Variants in DISC1 observed in about 807,000 individuals in gnomAD.
DISC1 encodes the protein disrupted in schizophrenia 1 protein.
Under a neutral mutation model 84.5 loss-of-function variants are expected in DISC1, and 57 were observed. That is an observed-to-expected ratio of 0.67 (90% CI 0.55 to 0.84). The LOEUF is 0.84. Among genes scored for constraint, DISC1 ranks in the 40% least tolerant of loss-of-function variants. The pLI, the probability that DISC1 is intolerant of heterozygous loss-of-function variation, is 0.00. For synonymous variants in DISC1, 411 were observed against 415.2 expected, an observed-to-expected ratio of 0.99 and a Z score of 0.12; for missense variants, 1,000 against 1,057.8, an observed-to-expected ratio of 0.95 and a Z score of 0.76.
chr1:231,723,136 G>A, intron 3 of DISC1: 1 of 936,240 alleles, frequency 1.1e-6, no homozygotes, highest in East Asian at 1.0e-4. Flanking sequence ...GTTTTCAGTG[G>A]ATATGAAAAG....
At chr1:231,999,232 G>A (rs182540564) in intron 10 of DISC1, among the ~76,000 whole-genome samples, 2 of 152,262 alleles carry the variant, frequency 1.3e-5, no homozygotes, top group African/African-American at 4.8e-5. Flanking sequence ...TCTAAATCCT[G>A]AAAATAATGC....
chr1:231,874,506 T>G (rs2085715621), intron 9 of DISC1, among the ~76,000 whole-genome samples: 3 of 152,122 alleles, frequency 2.0e-5, no homozygotes, highest in African/African-American at 7.2e-5. Context: ...GCCAAAGACT[T>G]CCTAACTCAC....
chr1:231,653,674 C>A (rs919908660), intron 1 of DISC1, among the ~76,000 whole-genome samples: 28 of 152,288 alleles, frequency 1.8e-4, no homozygotes, highest in African/African-American at 6.0e-4. Flanking sequence ...CTTTTCCCCT[C>A]ACACACAGAA....
intron 8 of DISC1, among the ~76,000 whole-genome samples, chr1:231,816,155 G>C (rs1478855880): frequency 6.6e-6 from 1 of 152,198 alleles, no homozygotes; most frequent in Non-Finnish European, 1.5e-5. Flanking sequence ...GAGTGGGCTT[G>C]TAGTGGAATA....
intron 10 of DISC1, among the ~76,000 whole-genome samples, chr1:231,996,750 C>A (rs1355952455): frequency 6.6e-6 from 1 of 152,114 alleles, no homozygotes; most frequent in African/African-American, 2.4e-5. Flanking sequence ...AGATGATCTC[C>A]TAGACCCCAT....
chr1:231,975,560 A>T (rs1330070499), intron 10 of DISC1, among the ~76,000 whole-genome samples: 1 of 152,228 alleles, frequency 6.6e-6, no homozygotes, highest in Non-Finnish European at 1.5e-5. Context: ...AAAGATATGG[A>T]ATCAGTGGGT....
chr1:231,888,581 A>G (rs1397272765), intron 9 of DISC1, among the ~76,000 whole-genome samples: 1 of 151,510 alleles, frequency 6.6e-6, no homozygotes, highest in Non-Finnish European at 1.5e-5. Context: ...TAAAAATACA[A>G]AAACAAAATT....
chr1:231,756,277 A>G (rs927349791), intron 4 of DISC1, among the ~76,000 whole-genome samples: 24 of 152,322 alleles, frequency 1.6e-4, no homozygotes, highest in African/African-American at 5.8e-4. Context: ...GAATGACAGC[A>G]TACCTTGAAT....
At chr1:231,636,968 C>G (rs975755502) in intron 1 of DISC1, among the ~76,000 whole-genome samples, 14 of 152,220 alleles carry the variant, frequency 9.2e-5, no homozygotes, top group African/African-American at 3.4e-4. Flanking sequence ...CCCTACCCCC[C>G]AGCAGGCCCT....
At chr1:231,931,406 A>G (rs960728520) in intron 9 of DISC1, among the ~76,000 whole-genome samples, 26 of 152,182 alleles carry the variant, frequency 1.7e-4, no homozygotes, top group Admixed American at 2.0e-4. Flanking sequence ...GAGATGCCCT[A>G]GGGACTTACT....
intron 3 of DISC1, chr1:231,723,713 CTCCTT>C (rs1170815369): frequency 1.0e-6 from 1 of 985,384 alleles, no homozygotes; most frequent in African/African-American, 1.7e-5. Context: ...CCATTCATCT[CTCCTT>C]CCCTTCCCTG....
At chr1:231,984,034 A>T (rs1664046181) in intron 10 of DISC1, among the ~76,000 whole-genome samples, 1 of 152,372 alleles carries the variant, frequency 6.6e-6, no homozygotes, top group East Asian at 1.9e-4. Flanking sequence ...CTAGTGCGGC[A>T]TGGGGCCAGG....
At position 231,808,085 on chromosome 1, in the gene DISC1, C is replaced by T. The variant is rs201446857; in HGVS notation, c.1792+7875C>T. Among the ~76,000 whole-genome samples, 81 of 152,214 alleles carry T rather than the reference C, an allele frequency of 5.3e-4. No homozygotes were observed. The South Asian group carries it at 5.4e-3, about 10-fold the overall frequency. On this transcript the variant is annotated intron_variant, in intron 8 of 12. Transcript: ENST00000439617. The stretch of plus-strand genomic sequence containing the variant: ...TAGAGAAGCTCTAAATTCCTGTAGC[C>T]GTCAAACTTGGGTTTTTCACTCAGA...
intron 1 of DISC1, among the ~76,000 whole-genome samples, chr1:231,633,105 A>C (rs957738326): frequency 5.3e-5 from 8 of 152,306 alleles, no homozygotes; most frequent in Admixed American, 3.9e-4. Context: ...GTAGATTTTC[A>C]AGTAATTACT....
chr1:231,956,445 T>C (rs753419673), intron 9 of DISC1, among the ~76,000 whole-genome samples: 13 of 152,152 alleles, frequency 8.5e-5, no homozygotes, highest in Non-Finnish European at 1.6e-4. Context: ...CCATCATCTT[T>C]TCCTGGACGA....
In DISC1 at chr1:232,004,234, A is replaced by G. The variant is rs183482220; in HGVS notation, c.2043-4551A>G. On this transcript the variant is annotated intron_variant, in intron 10 of 12. Coordinates refer to ENST00000439617, the MANE Select transcript of DISC1 (RefSeq NM_018662.3). The stretch of plus-strand genomic sequence containing the variant: ...GGGAAAATGGAAATATAAGATAAGA[A>G]CAAATCAATGAAATAGTGAACAAAG... Among the ~76,000 whole-genome samples the G allele has an allele frequency of 6.6e-5, 10 of 152,080 alleles. No homozygotes were observed. The East Asian group carries it at 1.9e-3, about 29-fold the overall frequency.
intron 2 of DISC1, among the ~76,000 whole-genome samples, chr1:231,696,297 T>A (rs1204265132): frequency 6.6e-6 from 1 of 152,204 alleles, no homozygotes; most frequent in Non-Finnish European, 1.5e-5. Flanking sequence ...TCCAGTTAAT[T>A]AAACTAAATG....
intron 9 of DISC1, among the ~76,000 whole-genome samples, chr1:231,847,180 C>T (rs77848100): frequency 0.01 from 1,564 of 152,150 alleles, 23 homozygotes; most frequent in African/African-American, 0.035. Context: ...GCTTGGCTTG[C>T]GGATGGCTGT....
At chr1:232,036,315 A>G (rs546091119) in intron 12 of DISC1, among the ~76,000 whole-genome samples, 1 of 152,180 alleles carries the variant, frequency 6.6e-6, no homozygotes, top group Admixed American at 6.5e-5. Context: ...TACCCTTTCC[A>G]CTGTCAAGAG....
Sources: allele counts gnomAD v4.1 joint callset (sites outside exome capture counted in the v4.1 genomes callset), GRCh38; gene constraint gnomAD v4.1.1; transcripts MANE v1.5; gene names NCBI Gene and HGNC (gene_info 2026-07-23, HGNC 2026-07-21).